The following JPH2 variants were observed in gnomAD, a reference collection of about 807,000 sequenced individuals.
JPH2 encodes the protein junctophilin 2.
A neutral mutation model predicts 55.9 loss-of-function variants in JPH2; 38 were observed. The ratio of observed to expected loss-of-function variants is 0.68; its 90% CI spans 0.52 to 0.89. The LOEUF is 0.89. Ranked by LOEUF, JPH2 falls within the 40% of genes least tolerant of loss-of-function variation. JPH2 has a pLI of 0.00. For synonymous variants in JPH2, 480 were observed against 472.4 expected (o/e 1.02, Z -0.21); for missense variants, 964 against 1,037.6 (o/e 0.93, Z 0.97).
chr20:44,173,269 T>G (rs573934889), intron 1 of JPH2, among the ~76,000 whole-genome samples: 1 of 152,154 alleles, frequency 6.6e-6, no homozygotes, highest in Non-Finnish European at 1.5e-5. Context: ...AACCTAAAAT[T>G]GGCCTTTAAA....
chr20:44,151,026 T>C (rs2072526757), intron 2 of JPH2, among the ~76,000 whole-genome samples: 1 of 151,870 alleles, frequency 6.6e-6, no homozygotes, highest in Admixed American at 6.6e-5. Flanking sequence ...CAAGACCCTA[T>C]CTCAAAAACA....
At chr20:44,167,969 G>A (rs1329810085) in intron 1 of JPH2, among the ~76,000 whole-genome samples, 8 of 152,178 alleles carry the variant, frequency 5.3e-5, no homozygotes. Flanking sequence ...AGAAATAAAT[G>A]CAGCCATGGC....
chr20:44,153,488 A>G (rs2072544920), intron 2 of JPH2, among the ~76,000 whole-genome samples: 1 of 152,160 alleles, frequency 6.6e-6, no homozygotes, highest in Non-Finnish European at 1.5e-5. Flanking sequence ...CAAAAAACCA[A>G]CTCTAAGCTA....
At chr20:44,128,350 A>G (rs2072291911) in intron 2 of JPH2, among the ~76,000 whole-genome samples, 1 of 152,186 alleles carries the variant, frequency 6.6e-6, no homozygotes, top group Non-Finnish European at 1.5e-5. Flanking sequence ...GAGGAAACTG[A>G]GGCACAGGGA....
At chr20:44,153,932 T>G (rs928436988) in intron 2 of JPH2, among the ~76,000 whole-genome samples, 2 of 152,212 alleles carry the variant, frequency 1.3e-5, no homozygotes, top group Non-Finnish European at 1.5e-5. Context: ...TGTCAGGGTG[T>G]TGGCATGACA....
chr20:44,165,128 C>T (rs541147519), intron 1 of JPH2, among the ~76,000 whole-genome samples: 14 of 152,236 alleles, frequency 9.2e-5, no homozygotes, highest in Admixed American at 5.9e-4. Flanking sequence ...TGAGCTACTG[C>T]GCCCAGCCAA....
intron 1 of JPH2, among the ~76,000 whole-genome samples, chr20:44,176,559 T>TGGGAAG (rs1447181043): frequency 2.0e-5 from 3 of 151,990 alleles, no homozygotes; most frequent in African/African-American, 7.2e-5. Context: ...CCCAGCAATT[T>TGGGAAG]GGGAAGCTGA....
At chr20:44,185,449 C>T (rs1019623975) in intron 1 of JPH2, among the ~76,000 whole-genome samples, 1 of 137,138 alleles carries the variant, frequency 7.3e-6, no homozygotes, top group South Asian at 2.5e-4. Context: ...TATGGAAAAG[C>T]CCTGTCTCTA....
chr20:44,149,886 G>A (rs1043782690), intron 2 of JPH2, among the ~76,000 whole-genome samples: 2 of 148,134 alleles, frequency 1.4e-5, no homozygotes, highest in Admixed American at 6.9e-5. Context: ...GCTGAGGCAT[G>A]AGAATTGTTT....
chr20:44,184,760 C>G (rs746595683), intron 1 of JPH2, among the ~76,000 whole-genome samples: 23 of 152,218 alleles, frequency 1.5e-4, no homozygotes, highest in Non-Finnish European at 2.8e-4. Flanking sequence ...CTTCACTCTT[C>G]TCTCTGCCCC....
At chr20:44,133,531 G>T (rs2072339739) in intron 2 of JPH2, among the ~76,000 whole-genome samples, 2 of 152,010 alleles carry the variant, frequency 1.3e-5, no homozygotes, top group African/African-American at 4.8e-5. Context: ...CAAAGGTTGT[G>T]CTAAGCCGCA....
chr20:44,163,089 T>C (rs952008275), intron 1 of JPH2, among the ~76,000 whole-genome samples: 1 of 152,128 alleles, frequency 6.6e-6, no homozygotes, highest in Non-Finnish European at 1.5e-5. Context: ...GACTTATTTA[T>C]TACATTAATT....
chr20:44,113,936 T>C (rs2072166207), intron 5 of JPH2, among the ~76,000 whole-genome samples: 1 of 152,184 alleles, frequency 6.6e-6, no homozygotes, highest in African/African-American at 2.4e-5. Flanking sequence ...ACTGTTTACA[T>C]GGTGACAGCA....
chr20:44,119,732 G>A (rs1411726173), intron 2 of JPH2, among the ~76,000 whole-genome samples: 5 of 152,114 alleles, frequency 3.3e-5, no homozygotes, highest in Admixed American at 3.3e-4. Flanking sequence ...AAATTAGCCG[G>A]GCATGGTGGC....
intron 2 of JPH2, among the ~76,000 whole-genome samples, chr20:44,121,571 A>C (rs1028052817): frequency 6.7e-6 from 1 of 149,810 alleles, no homozygotes; most frequent in South Asian, 2.1e-4. Flanking sequence ...TAACATTTAC[A>C]AAGCACTTAG....
intron 1 of JPH2, 49 bp downstream of exon 1, chr20:44,186,278 C>T (rs1468586750): frequency 1.9e-6 from 3 of 1,598,006 alleles, no homozygotes; most frequent in Admixed American, 1.7e-5. Flanking sequence ...CAGGGTTTCT[C>T]ACCCTCCCTG....
intron 1 of JPH2, among the ~76,000 whole-genome samples, chr20:44,174,855 T>C (rs1251991718): frequency 1.3e-5 from 2 of 152,114 alleles, no homozygotes; most frequent in Non-Finnish European, 2.9e-5. Flanking sequence ...TAGCCGGTTG[T>C]GGTGGTGCAC....
chr20:44,114,506 G>T (rs1319062512), intron 5 of JPH2, among the ~76,000 whole-genome samples: 1 of 151,854 alleles, frequency 6.6e-6, no homozygotes, highest in Non-Finnish European at 1.5e-5. Flanking sequence ...AGTGAATGAA[G>T]CCCTCAGTGC....
intron 2 of JPH2, among the ~76,000 whole-genome samples, chr20:44,129,730 A>C (rs2072303823): frequency 6.6e-6 from 1 of 152,186 alleles, no homozygotes; most frequent in Admixed American, 6.6e-5. Context: ...GGTGTGATTA[A>C]ATAAAGGATC....
Sources: allele counts gnomAD v4.1 joint callset (sites outside exome capture counted in the v4.1 genomes callset), GRCh38; gene constraint gnomAD v4.1.1; transcripts MANE v1.5; gene names NCBI Gene and HGNC (gene_info 2026-07-23, HGNC 2026-07-21).